Variants in MSI2 observed in about 807,000 individuals in gnomAD.
MSI2 encodes the protein musashi RNA binding protein 2.
In MSI2, 17 loss-of-function variants were observed where a neutral mutation model predicts 45.6. That is an observed-to-expected ratio of 0.37 (90% confidence interval 0.26 to 0.56). The LOEUF is 0.56. Among genes scored for constraint, MSI2 ranks in the 20% least tolerant of loss-of-function variants. The pLI is 0.77. For missense variants in MSI2, 293 were observed against 444.2 expected, an observed-to-expected ratio of 0.66 and a Z score of 3.06; for synonymous variants, 156 against 158.2, an observed-to-expected ratio of 0.99 and a Z score of 0.11.
chr17:57,573,152 C>T (rs2087922928), intron 7 of MSI2, among the ~76,000 whole-genome samples: 1 of 152,126 alleles, frequency 6.6e-6, no homozygotes, highest in Non-Finnish European at 1.5e-5. Context: ...AGTGTCTGCC[C>T]TTATTTGTCA....
At chr17:57,487,479 A>G (rs1202954143) in intron 6 of MSI2, among the ~76,000 whole-genome samples, 1 of 152,092 alleles carries the variant, frequency 6.6e-6, no homozygotes, top group Non-Finnish European at 1.5e-5. Context: ...TCATCCATCA[A>G]GTGACAAAAC....
chr17:57,395,742 A>G (rs1182166715), intron 5 of MSI2, among the ~76,000 whole-genome samples: 1 of 152,212 alleles, frequency 6.6e-6, no homozygotes, highest in Non-Finnish European at 1.5e-5. Context: ...AGACTGCCAC[A>G]TTGGCAGATA....
intron 6 of MSI2, among the ~76,000 whole-genome samples, chr17:57,415,457 A>G (rs2084277105): frequency 6.6e-6 from 1 of 152,124 alleles, no homozygotes; most frequent in African/African-American, 2.4e-5. Flanking sequence ...TTGAATCCAG[A>G]TCATTTGCTG....
intron 5 of MSI2, among the ~76,000 whole-genome samples, chr17:57,399,402 A>G (rs560951587): frequency 1.8e-4 from 27 of 152,338 alleles, no homozygotes; most frequent in Admixed American, 1.5e-3. Context: ...ACACTGTGGA[A>G]CGTCCATGAC....
intron 9 of MSI2, among the ~76,000 whole-genome samples, chr17:57,622,161 C>T (rs1404237505): frequency 3.9e-5 from 6 of 152,232 alleles, no homozygotes; most frequent in African/African-American, 1.2e-4. Context: ...CACACCACTG[C>T]ACTCCAGCCT....
At chr17:57,493,377 A>G (rs1374759896) in intron 6 of MSI2, among the ~76,000 whole-genome samples, 1 of 152,094 alleles carries the variant, frequency 6.6e-6, no homozygotes, top group Non-Finnish European at 1.5e-5. Flanking sequence ...GGAAGCGATG[A>G]ATGAAATTGC....
At chr17:57,321,214 C>G (rs551940889) in intron 5 of MSI2, among the ~76,000 whole-genome samples, 2 of 152,022 alleles carry the variant, frequency 1.3e-5, no homozygotes, top group Admixed American at 1.3e-4. Flanking sequence ...GTCTCTTATT[C>G]CAGCTTCTGA....
At chr17:57,613,460 GTTC>G (rs1907362656) in intron 8 of MSI2, among the ~76,000 whole-genome samples, 1 of 150,332 alleles carries the variant, frequency 6.7e-6, no homozygotes, top group Non-Finnish European at 1.5e-5. Context: ...CTAATTCCCT[GTTC>G]TTCTATATTT....
chr17:57,505,468 G>A (rs1315391283), intron 6 of MSI2, among the ~76,000 whole-genome samples: 1 of 152,148 alleles, frequency 6.6e-6, no homozygotes, highest in South Asian at 2.1e-4. Context: ...TCCTTGACGT[G>A]TTTTCCTATT....
At chr17:57,580,901 A>G (rs1238120923) in intron 7 of MSI2, among the ~76,000 whole-genome samples, 1 of 151,042 alleles carries the variant, frequency 6.6e-6, no homozygotes, top group African/African-American at 2.4e-5. Flanking sequence ...TCCAAGCAAT[A>G]TTGGGTATAA....
rs1909385139 is a variant in MSI2, at chr17:57,631,714, G to C, written c.727+4411G>C. 2.4e-6 allele frequency: 3 copies of C among 1,249,294 alleles called. No homozygotes were observed. The African/African-American group carries it at 4.5e-5, about 19-fold the overall frequency. The allele number at this position is 1,249,294 out of a possible 1,614,324, so 77.4% of individuals were successfully genotyped here. On this transcript the variant is annotated intron_variant, in intron 10 of 13. Transcript: ENST00000284073. ...TGGGTTGTGATCAGGGATCTCCCCT[G>C]CTTCCTCTCTTTTCCCCACTCTGGA...
At chr17:57,546,873 G>A (rs2087180635) in intron 7 of MSI2, among the ~76,000 whole-genome samples, 1 of 152,202 alleles carries the variant, frequency 6.6e-6, no homozygotes, top group African/African-American at 2.4e-5. Flanking sequence ...TGCTAGTTCT[G>A]GCAGTACTGC....
At chr17:57,402,630 C>T (rs77303012) in intron 6 of MSI2, among the ~76,000 whole-genome samples, 1 of 152,324 alleles carries the variant, frequency 6.6e-6, no homozygotes, top group African/African-American at 2.4e-5. Flanking sequence ...TGTTTGTGAA[C>T]TACTGTCTGG....
intron 7 of MSI2, among the ~76,000 whole-genome samples, chr17:57,580,432 G>A (rs944688320): frequency 3.3e-5 from 5 of 152,160 alleles, no homozygotes; most frequent in African/African-American, 9.7e-5. Context: ...AGGAAACCCC[G>A]GGTGAGGCCT....
Position 57,652,409 on chromosome 17 carries a change from GA to G in MSI2, c.790+258del, listed in dbSNP as rs112693744. Among the ~76,000 whole-genome samples the G allele has an allele frequency of 9.5e-5, 14 of 147,684 alleles. No individual in the cohort carries two copies. The highest frequency in any genetic ancestry group is 5.4e-4 in the Admixed American group (8 of 14,852). On this transcript the variant is annotated intron_variant, in intron 11 of 13. Coordinates refer to ENST00000284073, the MANE Select transcript of MSI2 (RefSeq NM_138962.4). The surrounding 1 kb of genome is among the most constrained non-coding windows in gnomAD (Gnocchi z 4.1). ...AAAGGCAGATTATTATTCTCTCCTT[GA>G]AAAAAAAAACAAACCTGAGTTTCTT...
the MSI2 span, among the ~76,000 whole-genome samples, chr17:57,691,327 C>T: frequency 6.6e-6 from 1 of 151,964 alleles, no homozygotes; most frequent in Non-Finnish European, 1.5e-5. Flanking sequence ...TGGTCTTTTT[C>T]AATGTTGTTT....
At chr17:57,459,612 TGAG>T (rs2085184123) in intron 6 of MSI2, among the ~76,000 whole-genome samples, 1 of 152,204 alleles carries the variant, frequency 6.6e-6, no homozygotes, top group South Asian at 2.1e-4. Flanking sequence ...CAGTTGCATC[TGAG>T]TAGTGGTAGG....
At chr17:57,692,976 T>G in the MSI2 span, among the ~76,000 whole-genome samples, 3 of 151,970 alleles carry the variant, frequency 2.0e-5, no homozygotes, top group Non-Finnish European at 4.4e-5. Context: ...CTTTCTGTGG[T>G]TTCATGTCTT....
chr17:57,446,879 G>C (rs1023654164), intron 6 of MSI2, among the ~76,000 whole-genome samples: 44 of 152,160 alleles, frequency 2.9e-4, no homozygotes, highest in African/African-American at 1.0e-3. Flanking sequence ...GAACCTTTTG[G>C]GAAGAAAAGC....
Sources: allele counts gnomAD v4.1 joint callset (sites outside exome capture counted in the v4.1 genomes callset), GRCh38; gene constraint gnomAD v4.1.1; non-coding constraint Gnocchi (gnomAD v3.1); transcripts MANE v1.5; gene names NCBI Gene and HGNC (gene_info 2026-07-23, HGNC 2026-07-21).